The following ARAP3 variants were observed in gnomAD, a reference collection of about 807,000 sequenced individuals.
ARAP3 encodes the protein ArfGAP with RhoGAP domain, ankyrin repeat and PH domain 3, also known as arf-GAP with Rho-GAP domain, ANK repeat and PH domain-containing protein 3.
In ARAP3, 82 loss-of-function variants were observed where a neutral mutation model predicts 169.2. The ratio of observed to expected loss-of-function variants is 0.48; its 90% confidence interval spans 0.41 to 0.58. ARAP3 has a LOEUF of 0.58. ARAP3 is among the 20% of genes least tolerant of loss of function. ARAP3 has a pLI of 0.00. For synonymous variants in ARAP3, 791 were observed against 800.3 expected (o/e 0.99, Z 0.20); for missense variants, 1,764 against 2,018.0 (o/e 0.87, Z 2.41).
chr5:141,656,367 C>A, intron 27 of ARAP3, 91 bp from the exon 28 acceptor site: 1 of 1,601,046 alleles, frequency 6.2e-7, no homozygotes, highest in South Asian at 1.1e-5. Context: ...GGTCTGTGGT[C>A]ACAGGGTCAC....
In ARAP3 at chr5:141,670,581, T is replaced by C; in HGVS notation, c.2038A>G (p.Ser680Gly). The C allele has an allele frequency of 1.2e-6, 2 of 1,614,042 alleles. No individual in the cohort carries two copies. Among genetic ancestry groups the C allele is most frequent in the Non-Finnish European group, 1.7e-6 (2 of 1,179,964 alleles). The change falls in exon 14 of 33, where the codon AGC (serine) becomes GGC (glycine). Residue 680 changes from serine (S) to glycine (G), a missense_variant. Around this residue, in one of 3 missense-constraint regions of ARAP3, gnomAD observed 1,112 missense variants for 1,285.7 expected, o/e 0.86. Coordinates refer to ENST00000239440, the MANE Select transcript of ARAP3 (RefSeq NM_022481.6). ...YNEVVVRATYSGFLYCSPVSN... is the reference protein window; with the variant it reads ...YNEVVVRATYGGFLYCSPVSN... ...ACGGGACTGCAGTACAGGAAGCCGC[T>C]GTAAGTAGCACGCACCACCACCTCA...
rs759059425 is a variant in ARAP3, at chr5:141,654,071, C to T, written c.4514G>A (p.Ser1505Asn). The stretch of plus-strand genomic sequence containing the variant: ...TTGGGGGCTGGATGGCTGGGAAGGA[C>T]TTCCCAGGCCTGCAGTGGTCTCTCC... ...RKGETTAGLG[S>N]PSQPSSPQSP... The change falls in exon 33 of 33, where the codon AGT becomes AAT. Residue 1505 changes from serine (S) to asparagine (N), a missense_variant. Around this residue, in one of 3 missense-constraint regions of ARAP3, gnomAD observed 1,112 missense variants for 1,285.7 expected, o/e 0.86. Coordinates refer to ENST00000239440, the MANE Select transcript of ARAP3 (RefSeq NM_022481.6). 5.0e-6 allele frequency: 8 copies of T among 1,606,840 alleles called. No homozygotes were observed. The African/African-American group carries it at 1.1e-4, about 22-fold the overall frequency.
At position 141,670,624 on chromosome 5, in the gene ARAP3, G is replaced by C; in HGVS notation, c.1995C>G (p.Pro665=). ...CCACCTCATTGTACACACCAGGGGA[G>C]GGGTCTGCAAGGGGAAGGGGAAGTA... ...GSCPGLLPSD[P]SPGVYNEVVV... is the part of the protein sequence containing the mutation. The change falls in exon 14 of 33, where the codon CCC becomes CCG. Residue 665 remains proline, a synonymous_variant. Transcript: ENST00000239440. The C allele has an allele frequency of 6.2e-7, 1 of 1,613,580 alleles. No individual in the cohort carries two copies. Among genetic ancestry groups the C allele is most frequent in the Non-Finnish European group, 8.5e-7 (1 of 1,179,538 alleles).
At chr5:141,659,581 C>A in intron 22 of ARAP3, 105 bp from the exon 23 acceptor site, 1 of 1,397,808 alleles carries the variant, frequency 7.2e-7, no homozygotes, top group Non-Finnish European at 1.0e-6. Context: ...GCCAGAAGAG[C>A]TAAGAACCAA....
At chr5:141,678,005 C>A (rs537617076) in intron 4 of ARAP3, among the ~76,000 whole-genome samples, 2 of 149,642 alleles carry the variant, frequency 1.3e-5, no homozygotes, top group East Asian at 3.9e-4. Flanking sequence ...TGGAGTGCAG[C>A]GGCACAACCT....
chr5:141,662,040 T>C lies in ARAP3; in HGVS notation c.3013+3A>G. 1 of 1,614,088 alleles carries C rather than the reference T, an allele frequency of 6.2e-7. No individual in the cohort carries two copies. Among genetic ancestry groups the C allele is most frequent in the Non-Finnish European group, 8.5e-7 (1 of 1,179,984 alleles). ...CCTTGGCTCTCAGGGATCTTAGGAATACCAGCAGCCTCCCTCCAGCGAGGC... is the reference window on the plus strand; with the variant it reads ...CCTTGGCTCTCAGGGATCTTAGGAACACCAGCAGCCTCCCTCCAGCGAGGC... On this transcript the variant is annotated splice_donor_region_variant and intron_variant, in intron 20 of 32. Transcript: ENST00000239440.
chr5:141,655,260 C>CA lies in ARAP3; in HGVS notation c.4149+101_4149+102insT, dbSNP rs1562401159. 381 of 834,458 alleles carry CA rather than the reference C, an allele frequency of 4.6e-4. 1 individual carries two copies. Among genetic ancestry groups the CA allele is most frequent in the African/African-American group, 3.1e-3 (107 of 34,178 alleles). The allele number at this position is 834,458 out of a possible 1,614,324, so 51.7% of individuals were successfully genotyped here. On this transcript the variant is annotated intron_variant, in intron 32 of 32. Transcript: ENST00000239440. ...CACACACACACACACACACACACACCCCCTGATGGCCTACATGAGGAAAAC... is the reference window on the plus strand; with the variant it reads ...CACACACACACACACACACACACACCACCCTGATGGCCTACATGAGGAAAAC...
In ARAP3 at chr5:141,670,499, G is replaced by C; in HGVS notation, c.2107+13C>G. On this transcript the variant is annotated intron_variant, in intron 14 of 32. Transcript: ENST00000239440. ...CTGTCCCTGTATCCTCCCATCCCTT[G>C]GCTCCCCCTCACCATCCCGGCCCCT... The C allele has an allele frequency of 6.2e-7, 1 of 1,609,948 alleles. No homozygotes were observed. The highest frequency in any genetic ancestry group is 8.5e-7 in the Non-Finnish European group (1 of 1,176,438).
chr5:141,665,214 C>G, intron 18 of ARAP3, 97 bp downstream of exon 18: 1 of 1,573,908 alleles, frequency 6.4e-7, no homozygotes, highest in Non-Finnish European at 8.6e-7. Flanking sequence ...AGGGAAGAAA[C>G]TTTGAGGAAG....
intron 19 of ARAP3, among the ~76,000 whole-genome samples, chr5:141,663,286 G>A (rs2099910209): frequency 6.6e-6 from 1 of 152,056 alleles, no homozygotes; most frequent in Non-Finnish European, 1.5e-5. Flanking sequence ...GAGGGGAGGG[G>A]ATGAACACCC....
intron 32 of ARAP3, 103 bp downstream of exon 32, chr5:141,655,259 C>CACACACAG (rs376664795): frequency 6.7e-6 from 8 of 1,191,162 alleles, no homozygotes; most frequent in Middle Eastern, 2.0e-4. Context: ...CACACACACA[C>CACACACAG]CCCCTGATGG....
At chr5:141,670,379 C>G in intron 14 of ARAP3, 133 bp downstream of exon 14, 1 of 1,009,488 alleles carries the variant, frequency 9.9e-7, no homozygotes, top group East Asian at 2.4e-5. Flanking sequence ...TCTCTCACCC[C>G]CAGGACCCCA....
At chr5:141,655,271 C>G (rs2099909123) in intron 32 of ARAP3, 91 bp downstream of exon 32, 1 of 1,384,122 alleles carries the variant, frequency 7.2e-7, no homozygotes. Context: ...CCCTGATGGC[C>G]TACATGAGGA....
rs2099908870 is a variant in ARAP3, at chr5:141,654,022, T to C, written c.4563A>G (p.Pro1521=). ...SPQSPSPTGL[P]TQTPGFPTQP... ...GGGTGGGGAAGCCAGGTGTCTGTGTTGGAAGGCCAGTGGGGCTGGGGGATT... is the reference window on the plus strand; with the variant it reads ...GGGTGGGGAAGCCAGGTGTCTGTGTCGGAAGGCCAGTGGGGCTGGGGGATT... Residue 1521 remains proline (P), a synonymous_variant, in exon 33 of 33, where the codon CCA becomes CCG. Coordinates refer to ENST00000239440, the MANE Select transcript of ARAP3 (RefSeq NM_022481.6). 2 of 1,575,396 alleles carry C rather than the reference T, an allele frequency of 1.3e-6. No individual in the cohort carries two copies. Among genetic ancestry groups the C allele is most frequent in the Non-Finnish European group, 1.7e-6 (2 of 1,162,250 alleles).
intron 25 of ARAP3, 38 bp from the exon 26 acceptor site, chr5:141,656,884 A>T (rs1014363014): frequency 4.3e-5 from 69 of 1,592,982 alleles, no homozygotes; most frequent in Non-Finnish European, 5.6e-5. Flanking sequence ...ATCAATCAGA[A>T]TATCCATACT....
At chr5:141,674,823 C>T (rs2099911931) in intron 4 of ARAP3, among the ~76,000 whole-genome samples, 1 of 152,338 alleles carries the variant, frequency 6.6e-6, no homozygotes, top group East Asian at 1.9e-4. Context: ...TTCCCATCAA[C>T]TCTCACCAGG....
intron 16 of ARAP3, among the ~76,000 whole-genome samples, chr5:141,668,528 T>C (rs2099910989): frequency 6.6e-6 from 1 of 152,236 alleles, no homozygotes; most frequent in Admixed American, 6.5e-5. Flanking sequence ...GGGGCTAGTA[T>C]GGTGTGACAG....
At position 141,657,324 on chromosome 5, in the gene ARAP3, C is replaced by T. The variant is rs12108969; in HGVS notation, c.3527-478G>A. ...GGGAACTAAACAGCCAATGTAGCTACAGCAAAGAGGATAGATACGAGAACA... is the reference window on the plus strand; with the variant it reads ...GGGAACTAAACAGCCAATGTAGCTATAGCAAAGAGGATAGATACGAGAACA... On this transcript the variant is annotated intron_variant, in intron 25 of 32. Coordinates refer to ENST00000239440, the MANE Select transcript of ARAP3 (RefSeq NM_022481.6). Among the ~76,000 whole-genome samples, 1,088 of 152,298 alleles carry T rather than the reference C, an allele frequency of 7.1e-3. 19 individuals are homozygous for T. The highest frequency in any genetic ancestry group is 0.024 in the African/African-American group (1,003 of 41,556).
intron 4 of ARAP3, among the ~76,000 whole-genome samples, chr5:141,675,227 C>T (rs2099912003): frequency 6.6e-6 from 1 of 152,152 alleles, no homozygotes; most frequent in African/African-American, 2.4e-5. Context: ...AGAGGCCTCC[C>T]TTAACTAACC....
Sources: gnomAD v4.1 joint callset for allele counts (sites outside exome capture counted in the v4.1 genomes callset) on GRCh38, gnomAD v4.1.1 for gene constraint, gnomAD v4.1.1 regional missense constraint, MANE v1.5 for transcripts, NCBI Gene and HGNC (gene_info 2026-07-23, HGNC 2026-07-21) for gene names.